DHX9: variants seen among roughly 807,000 people sequenced by gnomAD.
The protein encoded by DHX9 is ATP-dependent RNA helicase A.
In DHX9, 27 loss-of-function variants were observed where a neutral mutation model predicts 148.7. The observed-to-expected ratio is 0.18, with a 90% CI of 0.13 to 0.25. The LOEUF (loss-of-function observed/expected upper bound fraction) is 0.25. DHX9 is among the 10% of genes least tolerant of loss of function. DHX9 has a pLI of 1.00. For missense variants in DHX9, 796 were observed against 1,559.6 expected (o/e 0.51, Z 8.25); for synonymous variants, 529 against 516.6 (o/e 1.02, Z -0.33).
chr1:182,844,788 A>G (rs867656109), intron 3 of DHX9, among the ~76,000 whole-genome samples: 1 of 152,160 alleles, frequency 6.6e-6, no homozygotes, highest in Admixed American at 6.5e-5. Context: ...AAGTGCTGGG[A>G]TTACAGGTGG....
intron 25 of DHX9, 70 bp from the exon 26 acceptor site, chr1:182,883,450 G>A (rs1649176942): frequency 1.3e-6 from 2 of 1,575,872 alleles, no homozygotes; most frequent in Non-Finnish European, 1.7e-6. Flanking sequence ...GATTTTCAAA[G>A]CACAGTATAT....
chr1:182,884,821 C>G lies in DHX9; in HGVS notation c.3461+8C>G. The G allele has an allele frequency of 6.2e-7, 1 of 1,613,436 alleles. No homozygotes were observed. On this transcript the variant is annotated splice_region_variant and intron_variant, in intron 27 of 27. Transcript: ENST00000367549. ...TATGATTGGCAGTACACGGTGAGTA[C>G]CAATATACTTCTTACTGAACCAAGT... is the stretch of plus-strand genomic sequence containing the variant.
chr1:182,842,784 C>A, intron 2 of DHX9, 107 bp downstream of exon 2: 1 of 763,506 alleles, frequency 1.3e-6, no homozygotes. Context: ...CATTAGGAAA[C>A]GACAGTTCTT....
intron 14 of DHX9, among the ~76,000 whole-genome samples, chr1:182,871,634 T>C (rs1001182097): frequency 6.6e-6 from 1 of 152,142 alleles, no homozygotes; most frequent in Non-Finnish European, 1.5e-5. Context: ...GCCAGATATG[T>C]GTAAGAGTAA....
intron 15 of DHX9, among the ~76,000 whole-genome samples, chr1:182,873,101 G>A (rs1172008931): frequency 6.6e-6 from 1 of 151,978 alleles, no homozygotes. Context: ...GACTACAGGC[G>A]CACAACACCA....
At chr1:182,864,510 G>A (rs1648196790) in intron 12 of DHX9, among the ~76,000 whole-genome samples, 1 of 152,070 alleles carries the variant, frequency 6.6e-6, no homozygotes, top group Admixed American at 6.5e-5. Context: ...TTTAACTTTC[G>A]TGCATTTTGC....
At chr1:182,848,030 C>G (rs1377456114) in intron 3 of DHX9, among the ~76,000 whole-genome samples, 5 of 152,148 alleles carry the variant, frequency 3.3e-5, no homozygotes, top group African/African-American at 1.2e-4. Context: ...TTCCTACTTT[C>G]TTCCTTATTT....
intron 14 of DHX9, among the ~76,000 whole-genome samples, chr1:182,869,649 C>T (rs947661200): frequency 9.2e-5 from 14 of 152,058 alleles, no homozygotes; most frequent in Non-Finnish European, 1.3e-4. Context: ...TTCACTCTTC[C>T]GCCCAGGCTA....
Position 182,852,270 on chromosome 1 carries a change from C to T in DHX9, c.290C>T (p.Thr97Ile). The T allele has an allele frequency of 6.2e-7, 1 of 1,613,132 alleles. No individual in the cohort carries two copies. ...CCCCCACTTACTGATACTCCTGACA[C>T]TACAGCAAATGCTGAAGGAGATTTA... ...SPPPLTDTPD[T>I]TANAEGDLPT... Residue 97 changes from threonine (T) to isoleucine (I), a missense_variant, in exon 4 of 28, where the codon ACT becomes ATT. By Grantham distance (89) the Thr-to-Ile change is moderately conservative. Coordinates refer to ENST00000367549, the MANE Select transcript of DHX9 (RefSeq NM_001357.5).
chr1:182,844,148 A>G (rs903665419), intron 3 of DHX9, among the ~76,000 whole-genome samples: 23 of 152,166 alleles, frequency 1.5e-4, no homozygotes, highest in Admixed American at 1.3e-3. Context: ...GGGTTTCACC[A>G]TGTTGGCCAG....
chr1:182,869,946 C>G (rs368386999), intron 14 of DHX9, among the ~76,000 whole-genome samples: 1 of 152,204 alleles, frequency 6.6e-6, no homozygotes, highest in Non-Finnish European at 1.5e-5. Context: ...TTACCTAGTT[C>G]TGTCACCTTA....
At position 182,872,192 on chromosome 1, in the gene DHX9, A is replaced by G. The variant is rs1648578511; in HGVS notation, c.1558-145A>G. On this transcript the variant is annotated intron_variant, in intron 14 of 27. Coordinates refer to ENST00000367549, the MANE Select transcript of DHX9 (RefSeq NM_001357.5). ...TATCTTAAAAATTGATAAAAGATCCATTGTGGTCCTTTATCTTGGCACTTC... is the reference window on the plus strand; with the variant it reads ...TATCTTAAAAATTGATAAAAGATCCGTTGTGGTCCTTTATCTTGGCACTTC... 1.1e-5 allele frequency: 7 copies of G among 631,702 alleles called. No individual in the cohort carries two copies. The East Asian group carries it at 1.9e-4, about 17-fold the overall frequency. 39.1% of individuals were successfully genotyped at this position (631,702 alleles called of 1,614,324 possible).
rs1016263918 is a variant in DHX9, at chr1:182,876,330, G to A, written c.2029+67G>A. 9 of 1,581,824 alleles carry A rather than the reference G, an allele frequency of 5.7e-6. No homozygotes were observed. In the African/African-American group the frequency reaches 1.2e-4, roughly 21 times the overall value. ...AATGTTTTTGCTAGTGCCTTAGCCA[G>A]TATGTGAAAACAAAATTTTGTATTG... On this transcript the variant is annotated intron_variant, in intron 17 of 27. Transcript: ENST00000367549.
intron 24 of DHX9, 100 bp downstream of exon 24, chr1:182,881,747 A>G (rs950674486): frequency 1.7e-5 from 22 of 1,262,024 alleles, no homozygotes; most frequent in African/African-American, 3.0e-5. Flanking sequence ...TTTAGACCCT[A>G]TGATTTTTAT....
chr1:182,860,183 AGGTAAGT>A lies in DHX9; in HGVS notation c.1332+5_1332+11del. 3 of 1,589,258 alleles carry A rather than the reference AGGTAAGT, an allele frequency of 1.9e-6. No homozygotes were observed. Among genetic ancestry groups the A allele is most frequent in the Non-Finnish European group, 2.6e-6 (3 of 1,168,822 alleles). On this transcript the variant is annotated splice_donor_variant and splice_donor_5th_base_variant and coding_sequence_variant and intron_variant, in exon 12 of 28. Coordinates refer to ENST00000367549, the MANE Select transcript of DHX9 (RefSeq NM_001357.5). LOFTEE classifies it high-confidence loss of function. ...GCAGAGTGTAACATCGTAGTAACTC[AGGTAAGT>A]GGTAAACCAACCATGAAATACCTAG... is the stretch of plus-strand genomic sequence containing the variant.
At chr1:182,843,260 G>A in intron 2 of DHX9, 34 bp from the exon 3 acceptor site, 1 of 1,511,022 alleles carries the variant, frequency 6.6e-7, no homozygotes, top group African/African-American at 1.4e-5. Flanking sequence ...AATTACCCAG[G>A]TCAGTCTCTT....
chr1:182,876,637 C>T (rs746616632), intron 18 of DHX9, 96 bp downstream of exon 18: 13 of 1,173,372 alleles, frequency 1.1e-5, no homozygotes, highest in Non-Finnish European at 1.6e-5. Context: ...AATTGTAACC[C>T]ATCTAAATTG....
intron 12 of DHX9, chr1:182,860,430 C>A (rs960677930): frequency 1.9e-5 from 5 of 263,900 alleles, no homozygotes; most frequent in Non-Finnish European, 2.1e-5. Flanking sequence ...GGCCTAGAAT[C>A]AGACTGTCGA....
chr1:182,869,519 G>A (rs1317397033), intron 14 of DHX9, among the ~76,000 whole-genome samples: 1 of 152,110 alleles, frequency 6.6e-6, no homozygotes, highest in Non-Finnish European at 1.5e-5. Context: ...GACAGGTCTT[G>A]TCTGGTTTGG....
Sources: gnomAD v4.1 joint callset for allele counts (sites outside exome capture counted in the v4.1 genomes callset) on GRCh38, gnomAD v4.1.1 for gene constraint, MANE v1.5 for transcripts, NCBI Gene and HGNC (gene_info 2026-07-23, HGNC 2026-07-21) for gene names.